The following KHSRP variants were observed in gnomAD, a reference collection of about 807,000 sequenced individuals.
KHSRP encodes the protein far upstream element-binding protein 2.
KHSRP carries 13 observed loss-of-function variants against 94.9 expected under a neutral mutation model. The observed-to-expected ratio is 0.14, with a 90% CI of 0.09 to 0.22. The LOEUF (loss-of-function observed/expected upper bound fraction) is 0.22. Ranked by LOEUF, KHSRP falls within the 10% of genes least tolerant of loss-of-function variation. The pLI is 1.00. For missense variants in KHSRP, 710 were observed against 1,010.0 expected (o/e 0.70, Z 4.03); for synonymous variants, 495 against 401.4 (o/e 1.23, Z -2.79).
chr19:6,414,306 TG>T lies in KHSRP; in HGVS notation c.*717del, dbSNP rs2092124491. On this transcript the variant is annotated 3_prime_UTR_variant, in exon 19 of 19. Transcript: ENST00000600480. Reference sequence around the variant, plus strand: ...CTAGCCAGGTGCTCGCGGGACTCGCTGAAGTCACGCTGCTCCCTGATGGAGA... The same window carrying T: ...CTAGCCAGGTGCTCGCGGGACTCGCTAAGTCACGCTGCTCCCTGATGGAGA... 2.9e-6 allele frequency: 4 copies of T among 1,391,818 alleles called. No individual in the cohort carries two copies. The East Asian group carries it at 1.1e-4, about 37-fold the overall frequency. 86.2% of individuals were successfully genotyped at this position (1,391,818 alleles called of 1,614,324 possible). A position where few individuals can be genotyped will look rare whatever the true frequency, so the allele number is the denominator to read the frequency against.
At position 6,424,455 on chromosome 19, in the gene KHSRP, G is replaced by C; in HGVS notation, c.247C>G (p.Gln83Glu). 1 of 990,838 alleles carries C rather than the reference G, an allele frequency of 1.0e-6. No individual in the cohort carries two copies. The highest frequency in any genetic ancestry group is 1.2e-6 in the Non-Finnish European group (1 of 835,010). 61.4% of individuals were successfully genotyped at this position (990,838 alleles called of 1,614,324 possible). Residue 83 changes from glutamine (Q) to glutamate (E), a missense_variant and splice_region_variant, in exon 1 of 19, where the codon CAG (glutamine) becomes GAG (glutamate). By Grantham distance (29) the Gln-to-Glu change is conservative. This residue lies in a region of KHSRP where 288 missense variants were observed against 501.1 expected (regional missense o/e 0.57). Coordinates refer to ENST00000600480, the MANE Select transcript of KHSRP (RefSeq NM_001366299.1). ...AFADAVQRAR[Q>E]IAAKIGGDAA... is the part of the protein sequence containing the mutation. ...CCTCAGGCCCTCGGCCTCCTCACCTGGCGGGCCCGCTGCACGGCGTCGGCG... is the reference window on the plus strand; with the variant it reads ...CCTCAGGCCCTCGGCCTCCTCACCTCGCGGGCCCGCTGCACGGCGTCGGCG...
intron 11 of KHSRP, 120 bp from the exon 12 acceptor site, chr19:6,417,207 C>T (rs748848931): frequency 3.7e-5 from 27 of 737,862 alleles, no homozygotes; most frequent in Admixed American, 9.0e-5. Context: ...CGCGCTGCGC[C>T]GCTCCCAGCC....
Position 6,418,184 on chromosome 19 carries a change from T to A in KHSRP, c.880-105A>T, listed in dbSNP as rs10405418. The A allele has an allele frequency of 4.1e-3, 3,878 of 953,046 alleles. 89 individuals carry two copies. In the African/African-American group the frequency reaches 0.051, roughly 12 times the overall value. 59.0% of individuals were successfully genotyped at this position (953,046 alleles called of 1,614,324 possible). A position where few individuals can be genotyped will look rare whatever the true frequency, so the allele number is the denominator to read the frequency against. On this transcript the variant is annotated intron_variant, in intron 9 of 18. Coordinates refer to ENST00000600480, the MANE Select transcript of KHSRP (RefSeq NM_001366299.1). This position sits in a 1 kb window ranked among gnomAD's most constrained non-coding sequence, Gnocchi z 4.3. ...CAACTAAGGACCCACGAACCCTGGG[T>A]GAGCCCAGCACAGCACCCTACTGAG...
chr19:6,415,279 A>T lies in KHSRP; in HGVS notation c.1989T>A (p.Gly663=). Residue 663 remains glycine, a synonymous_variant, in exon 19 of 19, where the codon GGT becomes GGA. Transcript: ENST00000600480. ...KKQAQVATGG[G]PGAPPGSQPD... ...GCTGGGAGCCTGGGGGAGCTCCTGG[A>T]CCCCCTCCGGTGGCCACTTGCGCTG... is the stretch of plus-strand genomic sequence containing the variant. 1.9e-6 allele frequency: 3 copies of T among 1,612,742 alleles called. No individual in the cohort carries two copies. The highest frequency in any genetic ancestry group is 2.5e-6 in the Non-Finnish European group (3 of 1,179,764).
chr19:6,424,525 A>C lies in KHSRP; in HGVS notation c.177T>G (p.Ser59=), dbSNP rs2145128684. 1.0e-6 allele frequency: 1 copy of C among 981,822 alleles called. No individual in the cohort carries two copies. Among genetic ancestry groups the C allele is most frequent in the South Asian group, 4.6e-5 (1 of 21,882 alleles). The allele number at this position is 981,822 out of a possible 1,614,324, so 60.8% of individuals were successfully genotyped here. A position where few individuals can be genotyped will look rare whatever the true frequency, so the allele number is the denominator to read the frequency against. Residue 59 remains serine, a synonymous_variant, in exon 1 of 19, where the codon TCT becomes TCG. Coordinates refer to ENST00000600480, the MANE Select transcript of KHSRP (RefSeq NM_001366299.1). ...GPGGGSAGGP[S]QPPGGGGPGI... is the part of the protein sequence containing the mutation. The stretch of plus-strand genomic sequence containing the variant: ...CCGGGCCGCCTCCGCCGGGTGGCTG[A>C]GAGGGGCCCCCGGCCGACCCCCCGC...
Position 6,413,121 on chromosome 19 carries a change from ACTTT to A in KHSRP, c.*1899_*1902del, listed in dbSNP as rs754947108. Among the ~76,000 whole-genome samples the A allele has an allele frequency of 1.6e-4, 16 of 98,928 alleles. No homozygotes were observed. The highest frequency in any genetic ancestry group is 2.5e-4 in the Non-Finnish European group (13 of 51,962). The allele number at this position is 98,928 out of a possible 152,430, so 64.9% of individuals were successfully genotyped here. ...ACGCAGTCTTTTTTAAACAAAAAGC[ACTTT>A]ATTTAACAAAAAAAAAAAAGGGGGG... On this transcript the variant is annotated 3_prime_UTR_variant, in exon 19 of 19. Coordinates refer to ENST00000600480, the MANE Select transcript of KHSRP (RefSeq NM_001366299.1).
chr19:6,417,006 T>C lies in KHSRP; in HGVS notation c.1163A>G (p.Asp388Gly). The part of the protein sequence containing the change: ...RCEHAARIIN[D>G]LLQSLRSGPP... The stretch of plus-strand genomic sequence containing the variant: ...ACCTACCCTGAGGCTCTGGAGGAGG[T>C]CGTTGATGATCCGGGCTGCGTGCTC... The change falls in exon 12 of 19, where the codon GAC (aspartate) becomes GGC (glycine). Residue 388 changes from aspartate to glycine, a missense_variant. Physicochemically the swap from Asp to Gly is moderately conservative, Grantham distance 94. Around this residue, in one of 5 missense-constraint regions of KHSRP, gnomAD observed 288 missense variants for 501.1 expected, o/e 0.57. Transcript: ENST00000600480. The C allele has an allele frequency of 6.2e-7, 1 of 1,612,362 alleles. No individual in the cohort carries two copies. Among genetic ancestry groups the C allele is most frequent in the Non-Finnish European group, 8.5e-7 (1 of 1,179,446 alleles).
chr19:6,420,030 C>CA, intron 6 of KHSRP, 43 bp downstream of exon 6: 1 of 1,475,416 alleles, frequency 6.8e-7, no homozygotes, highest in Non-Finnish European at 9.5e-7. Flanking sequence ...GCAAAGGGCC[C>CA]AACCCTGGCC....
intron 5 of KHSRP, 27 bp from the exon 6 acceptor site, chr19:6,420,171 A>AG (rs1487564596): frequency 1.3e-6 from 2 of 1,596,696 alleles, no homozygotes; most frequent in Admixed American, 3.4e-5. Context: ...GGAGAAAAGC[A>AG]AAGCGTGATG....
chr19:6,420,414 A>C lies in KHSRP; in HGVS notation c.475+8T>G. ...TGGGCCTCCCCACCCAAGGTGACCC[A>C]CACTCACTCAGGCCCACCATGCCGT... On this transcript the variant is annotated splice_region_variant and intron_variant, in intron 5 of 18. Transcript: ENST00000600480. 1 of 1,613,590 alleles carries C rather than the reference A, an allele frequency of 6.2e-7. No individual in the cohort carries two copies. Among genetic ancestry groups the C allele is most frequent in the Non-Finnish European group, 8.5e-7 (1 of 1,179,606 alleles).
chr19:6,424,782 G>C lies in KHSRP; in HGVS notation c.-81C>G. ...GGCGGCGGCTCAACGCGGGAACAAGGCCTCGCTCCACACGGCCGCGGAGCA... is the reference window on the plus strand; with the variant it reads ...GGCGGCGGCTCAACGCGGGAACAAGCCCTCGCTCCACACGGCCGCGGAGCA... On this transcript the variant is annotated 5_prime_UTR_variant, in exon 1 of 19. Transcript: ENST00000600480. 1 of 495,476 alleles carries C rather than the reference G, an allele frequency of 2.0e-6. No homozygotes were observed. The highest frequency in any genetic ancestry group is 2.6e-6 in the Non-Finnish European group (1 of 378,192). 30.7% of individuals were successfully genotyped at this position (495,476 alleles called of 1,614,324 possible). A position where few individuals can be genotyped will look rare whatever the true frequency, so the allele number is the denominator to read the frequency against.
chr19:6,414,244 C>T lies in KHSRP; in HGVS notation c.*780G>A, dbSNP rs185800143. 484 of 1,497,504 alleles carry T rather than the reference C, an allele frequency of 3.2e-4. No individual in the cohort carries two copies. The highest frequency in any genetic ancestry group is 1.8e-3 in the Middle Eastern group (10 of 5,642). The allele number at this position is 1,497,504 out of a possible 1,614,324, so 92.8% of individuals were successfully genotyped here. ...GCCAGGAAGCCCCCTCCCAAACCTG[C>T]GCTGGCTCAGGCTGGAAGGACGTGC... is the stretch of plus-strand genomic sequence containing the variant. On this transcript the variant is annotated 3_prime_UTR_variant, in exon 19 of 19. Coordinates refer to ENST00000600480, the MANE Select transcript of KHSRP (RefSeq NM_001366299.1).
At position 6,413,496 on chromosome 19, in the gene KHSRP, G is replaced by A. The variant is rs1347649001; in HGVS notation, c.*1528C>T. The A allele has an allele frequency of 5.6e-6, 2 of 358,704 alleles. No homozygotes were observed. The highest frequency in any genetic ancestry group is 1.1e-5 in the Non-Finnish European group (2 of 175,080). The allele number at this position is 358,704 out of a possible 1,614,324, so 22.2% of individuals were successfully genotyped here. A position where few individuals can be genotyped will look rare whatever the true frequency, so the allele number is the denominator to read the frequency against. On this transcript the variant is annotated 3_prime_UTR_variant, in exon 19 of 19. Transcript: ENST00000600480. ...AGACAACAGACCAGTCCTGGGAGGG[G>A]GGACGGGCGGGGCCGCGGGAGCTGA...
chr19:6,421,179 TGA>T (rs1236171054), intron 4 of KHSRP, 97 bp downstream of exon 4: 3 of 1,136,136 alleles, frequency 2.6e-6, no homozygotes, highest in Non-Finnish European at 2.6e-6. Context: ...GGATAAAACC[TGA>T]GAGATGTGCC....
At chr19:6,416,032 G>C (rs551105875) in intron 15 of KHSRP, 136 bp from the exon 16 acceptor site, 1 of 670,174 alleles carries the variant, frequency 1.5e-6, no homozygotes, top group Non-Finnish European at 2.5e-6. Context: ...GCCTGGGAAA[G>C]GCCTAGACAA....
intron 4 of KHSRP, 77 bp downstream of exon 4, chr19:6,421,201 A>C: frequency 7.3e-7 from 1 of 1,361,944 alleles, no homozygotes; most frequent in Non-Finnish European, 1.0e-6. Flanking sequence ...CCCCAGTCAG[A>C]GCCCTCCCAA....
At position 6,416,361 on chromosome 19, in the gene KHSRP, G is replaced by A. The variant is rs1390238201; in HGVS notation, c.1535C>T (p.Ala512Val). 1 of 1,611,294 alleles carries A rather than the reference G, an allele frequency of 6.2e-7. No homozygotes were observed. The highest frequency in any genetic ancestry group is 2.2e-5 in the East Asian group (1 of 44,870). The change falls in exon 15 of 19, where the codon GCT becomes GTT. Residue 512 changes from alanine (A) to valine (V), a missense_variant. Physicochemically the swap from Ala to Val is moderately conservative, Grantham distance 64. This residue lies in a region of KHSRP where 292 missense variants were observed against 340.5 expected (regional missense o/e 0.86). Coordinates refer to ENST00000600480, the MANE Select transcript of KHSRP (RefSeq NM_001366299.1). ...VGPGPGGPGP[A>V]GPMGPFNPGP... Reference sequence around the variant, plus strand: ...AGGATTGAAGGGCCCCATTGGGCCAGCAGGGCCTGGGCCACCTGGGCCTGG... The same window carrying A: ...AGGATTGAAGGGCCCCATTGGGCCAACAGGGCCTGGGCCACCTGGGCCTGG...
rs2092113851 is a variant in KHSRP, at chr19:6,413,346, G to A, written c.*1678C>T. Reference sequence around the variant, plus strand: ...GGGAGACAGACAGCACCCGCAGACGGGGAGGTTTTGTTATCATTTATTTGT... The same window carrying A: ...GGGAGACAGACAGCACCCGCAGACGAGGAGGTTTTGTTATCATTTATTTGT... On this transcript the variant is annotated 3_prime_UTR_variant, in exon 19 of 19. Transcript: ENST00000600480. The A allele has an allele frequency of 2.7e-6, 1 of 367,642 alleles. No homozygotes were observed. Among genetic ancestry groups the A allele is most frequent in the East Asian group, 1.1e-4 (1 of 9,436 alleles). 22.8% of individuals were successfully genotyped at this position (367,642 alleles called of 1,614,324 possible). A position where few individuals can be genotyped will look rare whatever the true frequency, so the allele number is the denominator to read the frequency against.
rs995326659 is a variant in KHSRP at position 6,414,035 on chromosome 19, A to G, written c.*989T>C. ...GCAGCCATCGCTCTCTCGCCAAACA[A>G]AACAGAAGCCCCCAAACAGAACAAA... is the stretch of plus-strand genomic sequence containing the variant. On this transcript the variant is annotated 3_prime_UTR_variant, in exon 19 of 19. Coordinates refer to ENST00000600480, the MANE Select transcript of KHSRP (RefSeq NM_001366299.1). 35 of 1,543,302 alleles carry G rather than the reference A, an allele frequency of 2.3e-5. No homozygotes were observed. The highest frequency in any genetic ancestry group is 3.0e-5 in the Non-Finnish European group (34 of 1,145,194).
Sources: allele counts gnomAD v4.1 joint callset (sites outside exome capture counted in the v4.1 genomes callset), GRCh38; gene constraint gnomAD v4.1.1; regional missense constraint gnomAD v4.1.1; non-coding constraint Gnocchi (gnomAD v3.1); transcripts MANE v1.5; gene names NCBI Gene and HGNC (gene_info 2026-07-23, HGNC 2026-07-21).